THEMIS: variants seen among roughly 807,000 people sequenced by gnomAD.
THEMIS encodes the protein thymocyte selection associated, also known as protein THEMIS.
THEMIS carries 37 observed loss-of-function variants against 52.6 expected under a neutral mutation model. The observed-to-expected ratio is 0.70, with a 90% CI of 0.54 to 0.93. THEMIS has a LOEUF of 0.93. THEMIS is among the 40% of genes least tolerant of loss of function. The pLI is 0.00. For synonymous variants in THEMIS, 292 were observed against 272.7 expected (o/e 1.07, Z -0.70); for missense variants, 808 against 763.1 (o/e 1.06, Z -0.69).
intron 1 of THEMIS, among the ~76,000 whole-genome samples, chr6:127,907,566 A>G (rs576720504): frequency 1.2e-4 from 18 of 151,926 alleles, no homozygotes; most frequent in African/African-American, 4.3e-4. Context: ...AAAATGAAAT[A>G]TGCTAATTTC....
chr6:127,834,321 A>G (rs1778798826), intron 2 of THEMIS, among the ~76,000 whole-genome samples: 2 of 151,366 alleles, frequency 1.3e-5, no homozygotes, highest in South Asian at 4.2e-4. Context: ...CTGTAATCCC[A>G]GTACTTTGGG....
intron 4 of THEMIS, among the ~76,000 whole-genome samples, chr6:127,773,228 G>A (rs1426497127): frequency 6.6e-6 from 1 of 152,102 alleles, no homozygotes; most frequent in Admixed American, 6.5e-5. Context: ...AAACTGATAT[G>A]GAAGCATTGA....
chr6:127,732,735 A>G (rs1482572109), intron 4 of THEMIS, among the ~76,000 whole-genome samples: 2 of 152,140 alleles, frequency 1.3e-5, no homozygotes, highest in Non-Finnish European at 1.5e-5. Flanking sequence ...GCATTTACTT[A>G]CTCTACTACT....
downstream of THEMIS, among the ~76,000 whole-genome samples, chr6:127,704,030 G>T (rs946959484): frequency 6.6e-6 from 1 of 152,162 alleles, no homozygotes; most frequent in African/African-American, 2.4e-5. Flanking sequence ...TTTTGTAAGA[G>T]AACCAATCCT....
intron 5 of THEMIS, among the ~76,000 whole-genome samples, chr6:127,711,086 C>G (rs1363350072): frequency 6.6e-6 from 1 of 150,554 alleles, no homozygotes; most frequent in Admixed American, 6.7e-5. Context: ...CCTGCTTCCT[C>G]TCTTCTTTTC....
At chr6:127,699,955 T>A in the THEMIS span, among the ~76,000 whole-genome samples, 1 of 151,804 alleles carries the variant, frequency 6.6e-6, no homozygotes, top group Non-Finnish European at 1.5e-5. Flanking sequence ...AAATTATAAA[T>A]CAAACTCCAT....
chr6:127,793,676 T>C (rs1022917767), intron 4 of THEMIS, among the ~76,000 whole-genome samples: 3 of 152,174 alleles, frequency 2.0e-5, no homozygotes, highest in African/African-American at 7.2e-5. Flanking sequence ...CAAAGCAACC[T>C]GTAGATATTT....
At chr6:127,701,112 A>G in the THEMIS span, among the ~76,000 whole-genome samples, 6 of 152,132 alleles carry the variant, frequency 3.9e-5, no homozygotes, top group Non-Finnish European at 7.4e-5. Flanking sequence ...AGATTAATAT[A>G]TGGAACATTC....
intron 3 of THEMIS, among the ~76,000 whole-genome samples, chr6:127,815,774 G>C (rs1271582850): frequency 6.6e-6 from 1 of 152,154 alleles, no homozygotes; most frequent in Non-Finnish European, 1.5e-5. Context: ...GCTAGCTCTA[G>C]ATAGGCTCAT....
In THEMIS at chr6:127,835,052, C is replaced by T. The variant is rs1472185080; in HGVS notation, c.251-5118G>A. On this transcript the variant is annotated intron_variant, in intron 2 of 5. Coordinates refer to ENST00000368248, the MANE Select transcript of THEMIS (RefSeq NM_001010923.3). The stretch of plus-strand genomic sequence containing the variant: ...CATAACCTTGATGGCAACACAGCTC[C>T]CTAGATGCTCATTAGTTCTGCAGAG... 2.0e-5 allele frequency among the ~76,000 whole-genome samples: 3 copies of T among 152,054 alleles called. No homozygotes were observed. In the East Asian group the frequency reaches 5.8e-4, roughly 29 times the overall value.
At chr6:127,873,069 T>C (rs1340089338) in intron 1 of THEMIS, among the ~76,000 whole-genome samples, 2 of 152,176 alleles carry the variant, frequency 1.3e-5, no homozygotes, top group Non-Finnish European at 2.9e-5. Flanking sequence ...AAATACTTAG[T>C]CATCAGTGTA....
intron 3 of THEMIS, among the ~76,000 whole-genome samples, chr6:127,816,370 C>A (rs1268647500): frequency 2.0e-5 from 3 of 152,136 alleles, no homozygotes; most frequent in Non-Finnish European, 4.4e-5. Flanking sequence ...CCAGCCAAAA[C>A]ATTTTCCTGA....
intron 4 of THEMIS, among the ~76,000 whole-genome samples, chr6:127,777,614 C>T (rs927828137): frequency 1.3e-5 from 2 of 152,074 alleles, no homozygotes; most frequent in African/African-American, 4.8e-5. Context: ...CTCTTTTAGA[C>T]TATGGAAACT....
chr6:127,866,837 C>T (rs902607917), intron 1 of THEMIS, among the ~76,000 whole-genome samples: 6 of 151,680 alleles, frequency 4.0e-5, no homozygotes, highest in Non-Finnish European at 7.4e-5. Flanking sequence ...TTCTAGGTAG[C>T]TGGAGACAGA....
intron 4 of THEMIS, among the ~76,000 whole-genome samples, chr6:127,801,518 C>T (rs988329146): frequency 5.3e-5 from 8 of 152,062 alleles, no homozygotes; most frequent in African/African-American, 9.7e-5. Context: ...GGAATGAGGA[C>T]GAGTGGGAGG....
intron 1 of THEMIS, among the ~76,000 whole-genome samples, chr6:127,877,989 A>G (rs1780365845): frequency 6.6e-6 from 1 of 152,230 alleles, no homozygotes; most frequent in Non-Finnish European, 1.5e-5. Flanking sequence ...AATCAGAAAT[A>G]AAACCCAGGG....
chr6:127,879,995 G>GTC (rs1780432440), intron 1 of THEMIS, among the ~76,000 whole-genome samples: 2 of 152,060 alleles, frequency 1.3e-5, no homozygotes. Context: ...CAGCCATGCC[G>GTC]TTTTCCTCCA....
chr6:127,824,433 A>G (rs1778436266), intron 3 of THEMIS, among the ~76,000 whole-genome samples: 1 of 152,126 alleles, frequency 6.6e-6, no homozygotes, highest in East Asian at 1.9e-4. Flanking sequence ...TGCAGTGAAA[A>G]AGTTGGCAGG....
At position 127,729,360 on chromosome 6, in the gene THEMIS, C is replaced by T. The variant is rs368944218; in HGVS notation, c.1759-9537G>A. Reference sequence around the variant, plus strand: ...CAAGGATCTCTGCTTCCCTTCCTTTCGAGAGGTCTATGGAAGATATTTCAA... The same window carrying T: ...CAAGGATCTCTGCTTCCCTTCCTTTTGAGAGGTCTATGGAAGATATTTCAA... On this transcript the variant is annotated intron_variant, in intron 4 of 5. Coordinates refer to ENST00000368248, the MANE Select transcript of THEMIS (RefSeq NM_001010923.3). 2.2e-4 allele frequency among the ~76,000 whole-genome samples: 33 copies of T among 152,246 alleles called. No individual in the cohort carries two copies. In the South Asian group the frequency reaches 4.8e-3, roughly 22 times the overall value.
Sources: gnomAD v4.1 joint callset for allele counts (sites outside exome capture counted in the v4.1 genomes callset) on GRCh38, gnomAD v4.1.1 for gene constraint, MANE v1.5 for transcripts, NCBI Gene and HGNC (gene_info 2026-07-23, HGNC 2026-07-21) for gene names.